GRM8: variants seen among roughly 807,000 people sequenced by gnomAD.
GRM8 encodes the protein metabotropic glutamate receptor 8.
Under a neutral mutation model 87.2 loss-of-function variants are expected in GRM8, and 47 were observed. That is an observed-to-expected ratio of 0.54 (90% CI 0.43 to 0.69). The LOEUF (loss-of-function observed/expected upper bound fraction) is 0.69, where lower values mean the gene tolerates loss of function less well. Ranked by LOEUF, GRM8 falls within the 30% of genes least tolerant of loss-of-function variation. The probability of loss-of-function intolerance (pLI) is 0.00; values close to 1 mark genes in which losing one functional copy is unlikely to be tolerated. For missense variants in GRM8, 1,019 were observed against 1,139.2 expected, an observed-to-expected ratio of 0.89 and a Z score of 1.52; for synonymous variants, 396 against 404.5, an observed-to-expected ratio of 0.98 and a Z score of 0.25.
intron 9 of GRM8, among the ~76,000 whole-genome samples, chr7:126,502,776 ATAATACATAAT>A (rs2150703689): frequency 6.6e-6 from 1 of 152,200 alleles, no homozygotes; most frequent in South Asian, 2.1e-4. Context: ...TGTGTACTTT[ATAATACATAAT>A]TTGGGGTGTC....
At chr7:126,980,468 G>A (rs1489672884) in intron 3 of GRM8, among the ~76,000 whole-genome samples, 4 of 152,174 alleles carry the variant, frequency 2.6e-5, no homozygotes, top group Non-Finnish European at 5.9e-5. Flanking sequence ...GTAACTAATG[G>A]TTTTAATATT....
Position 126,763,439 on chromosome 7 carries a change from A to T in GRM8, c.1357+6426T>A, listed in dbSNP as rs995541401. ...AAAAGCCACCATTATCATATGATAA[A>T]TTCATATATATATATATATATATAT... On this transcript the variant is annotated intron_variant, in intron 7 of 10. Transcript: ENST00000339582. Among the ~76,000 whole-genome samples the T allele has an allele frequency of 2.0e-4, 18 of 88,284 alleles. No homozygotes were observed. The Admixed American group carries it at 2.7e-3, about 13-fold the overall frequency. The allele number at this position is 88,284 out of a possible 152,430, so 57.9% of individuals were successfully genotyped here. A position where few individuals can be genotyped will look rare whatever the true frequency, so the allele number is the denominator to read the frequency against.
At chr7:126,925,508 G>C (rs1018515552) in intron 3 of GRM8, among the ~76,000 whole-genome samples, 1 of 151,946 alleles carries the variant, frequency 6.6e-6, no homozygotes, top group East Asian at 1.9e-4. Context: ...ACATCATTGT[G>C]GAGTAATAGT....
intron 3 of GRM8, among the ~76,000 whole-genome samples, chr7:126,997,315 T>C (rs1193452489): frequency 6.6e-6 from 1 of 151,656 alleles, no homozygotes; most frequent in African/African-American, 2.4e-5. Flanking sequence ...GAGGAAAATA[T>C]ATAGCTTTAA....
chr7:127,228,991 T>C (rs1797515979), intron 2 of GRM8: 1 of 152,220 alleles, frequency 6.6e-6, no homozygotes, highest in South Asian at 2.1e-4. Flanking sequence ...GTTAAAATAA[T>C]ATTTATTCAT....
intron 3 of GRM8, among the ~76,000 whole-genome samples, chr7:126,982,739 G>A (rs551981163): frequency 1.2e-4 from 18 of 152,320 alleles, no homozygotes; most frequent in African/African-American, 2.6e-4. Context: ...AACTGGTCAC[G>A]TGGTCATAGC....
chr7:126,506,194 A>C (rs1025487783), intron 9 of GRM8, among the ~76,000 whole-genome samples: 45 of 151,990 alleles, frequency 3.0e-4, no homozygotes, highest in African/African-American at 1.1e-3. Context: ...GGCTGGATAA[A>C]ATTCCACTGC....
rs145931312 is a variant in GRM8, at chr7:126,823,422, A to C, written c.1157-53357T>G. On this transcript the variant is annotated intron_variant, in intron 6 of 10. Coordinates refer to ENST00000339582, the MANE Select transcript of GRM8 (RefSeq NM_000845.3). ...TACTAGAGATACAGAAGTGAGGCAG[A>C]GTATTAGTTGTCCCTTCAATCCATT... Among the ~76,000 whole-genome samples the C allele has an allele frequency of 2.6e-5, 4 of 152,344 alleles. No individual in the cohort carries two copies. In the East Asian group the frequency reaches 7.7e-4, roughly 29 times the overall value.
At chr7:126,761,824 G>T (rs950999537) in intron 7 of GRM8, among the ~76,000 whole-genome samples, 2 of 152,094 alleles carry the variant, frequency 1.3e-5, no homozygotes, top group Non-Finnish European at 2.9e-5. Context: ...TCTCTGTCAT[G>T]AATACCTTTT....
intron 8 of GRM8, among the ~76,000 whole-genome samples, chr7:126,601,561 G>C (rs1203123413): frequency 6.6e-6 from 1 of 150,420 alleles, no homozygotes; most frequent in African/African-American, 2.4e-5. Flanking sequence ...GTGTAAAAGT[G>C]TTCCTATTTC....
chr7:126,811,988 G>A (rs1285073360), intron 6 of GRM8, among the ~76,000 whole-genome samples: 1 of 151,894 alleles, frequency 6.6e-6, no homozygotes, highest in Non-Finnish European at 1.5e-5. Context: ...GTGGAGGGGT[G>A]AGAGGGGTGA....
chr7:127,012,618 T>G (rs1378930826), intron 3 of GRM8, among the ~76,000 whole-genome samples: 1 of 152,152 alleles, frequency 6.6e-6, no homozygotes, highest in Non-Finnish European at 1.5e-5. Flanking sequence ...TCAGTTCACA[T>G]CACAGCTTCT....
intron 8 of GRM8, among the ~76,000 whole-genome samples, chr7:126,601,618 G>A: frequency 1.4e-5 from 2 of 146,608 alleles, no homozygotes; most frequent in Admixed American, 6.8e-5. Context: ...TTTAATGATT[G>A]CCATTCTAAC....
intron 2 of GRM8, among the ~76,000 whole-genome samples, chr7:127,111,824 C>T (rs754075100): frequency 2.4e-4 from 37 of 152,040 alleles, no homozygotes; most frequent in Non-Finnish European, 5.3e-4. Flanking sequence ...GTCAGGAGTT[C>T]GAGACCAGCC....
intron 7 of GRM8, among the ~76,000 whole-genome samples, chr7:126,629,838 CAT>C (rs763264074): frequency 1.3e-5 from 2 of 152,170 alleles, no homozygotes; most frequent in Non-Finnish European, 2.9e-5. Flanking sequence ...AATTAAAAGA[CAT>C]AGTGAAATAT....
chr7:126,811,569 A>G (rs1045403662), intron 6 of GRM8, among the ~76,000 whole-genome samples: 1 of 151,952 alleles, frequency 6.6e-6, no homozygotes, highest in Non-Finnish European at 1.5e-5. Flanking sequence ...CCTTGTAGAC[A>G]TCGTTCACTT....
intron 7 of GRM8, among the ~76,000 whole-genome samples, chr7:126,628,954 G>A (rs1800970160): frequency 6.6e-6 from 1 of 151,854 alleles, no homozygotes; most frequent in African/African-American, 2.4e-5. Context: ...TAATGAAAGA[G>A]TGAGGGAAGG....
intron 6 of GRM8, among the ~76,000 whole-genome samples, chr7:126,805,745 C>A (rs1421518485): frequency 6.6e-6 from 1 of 152,190 alleles, no homozygotes; most frequent in Non-Finnish European, 1.5e-5. Flanking sequence ...CTTGGCAGGC[C>A]TTTCCTACTC....
At chr7:127,030,652 T>G (rs1586801425) in intron 3 of GRM8, among the ~76,000 whole-genome samples, 1 of 152,210 alleles carries the variant, frequency 6.6e-6, no homozygotes, top group Admixed American at 6.6e-5. Context: ...TTTGGAACAC[T>G]TCTAAACCAG....
Sources: allele counts gnomAD v4.1 joint callset (sites outside exome capture counted in the v4.1 genomes callset), GRCh38; gene constraint gnomAD v4.1.1; transcripts MANE v1.5; gene names NCBI Gene and HGNC (gene_info 2026-07-23, HGNC 2026-07-21).